Variants in TMEM242 observed in about 807,000 individuals in gnomAD.
TMEM242 encodes the protein UPF0463 transmembrane protein C6orf35.
In TMEM242, 10 loss-of-function variants were observed where a neutral mutation model predicts 18.2. The observed-to-expected ratio is 0.55, with a 90% confidence interval of 0.34 to 0.93. TMEM242 has a LOEUF of 0.93. TMEM242 is among the 40% of genes least tolerant of loss of function. The pLI, the probability that TMEM242 is intolerant of heterozygous loss-of-function variation, is 0.02. For synonymous variants in TMEM242, 57 were observed against 69.9 expected, an observed-to-expected ratio of 0.81 and a Z score of 0.92; for missense variants, 186 against 175.5, an observed-to-expected ratio of 1.06 and a Z score of -0.34.
chr6:157,315,821 C>T (rs1778378317), intron 3 of TMEM242, among the ~76,000 whole-genome samples: 1 of 152,172 alleles, frequency 6.6e-6, no homozygotes, highest in Admixed American at 6.5e-5. Flanking sequence ...AACAAGATAG[C>T]TCCCAATACC....
intron 3 of TMEM242, among the ~76,000 whole-genome samples, chr6:157,307,800 T>C (rs1170456218): frequency 6.6e-6 from 1 of 152,170 alleles, no homozygotes; most frequent in East Asian, 1.9e-4. Context: ...GAACTACCTC[T>C]GCAGGATCGT....
At chr6:157,299,773 A>G in intron 3 of TMEM242, 1 of 1,602,186 alleles carries the variant, frequency 6.2e-7, no homozygotes, top group Non-Finnish European at 8.6e-7. Context: ...AATCTTTGCT[A>G]CAAACAATAT....
chr6:157,310,334 T>C (rs587666962), intron 3 of TMEM242, among the ~76,000 whole-genome samples: 1 of 8,968 alleles, frequency 1.1e-4, no homozygotes, highest in African/African-American at 3.8e-4. Flanking sequence ...ACTTAAACTA[T>C]CTGTCTTGAT....
intron 3 of TMEM242, chr6:157,299,427 C>G: frequency 7.6e-7 from 1 of 1,316,538 alleles, no homozygotes; most frequent in Non-Finnish European, 1.1e-6. Context: ...ACACTTGAGT[C>G]TCCATGCTCT....
rs372879085 is a variant in TMEM242 at position 157,298,552 on chromosome 6, C to T, written c.328-5553G>A. Among the ~76,000 whole-genome samples the T allele has an allele frequency of 9.2e-5, 14 of 152,264 alleles. No homozygotes were observed. The South Asian group carries it at 1.9e-3, about 20-fold the overall frequency. On this transcript the variant is annotated intron_variant, in intron 3 of 3. Transcript: ENST00000400788. The stretch of plus-strand genomic sequence containing the variant: ...CAGTCCCCACTTCATGTCTTTTTAA[C>T]GACCCAGCTGAAAGGCCGTCCCAGA...
chr6:157,295,601 A>G (rs1777739670), intron 3 of TMEM242, among the ~76,000 whole-genome samples: 1 of 152,150 alleles, frequency 6.6e-6, no homozygotes, highest in African/African-American at 2.4e-5. Context: ...GGAGGAGAGC[A>G]AGGGGCGGTC....
At chr6:157,321,380 CTATTT>C (rs1236680234) in intron 2 of TMEM242, among the ~76,000 whole-genome samples, 1 of 152,162 alleles carries the variant, frequency 6.6e-6, no homozygotes, top group Non-Finnish European at 1.5e-5. Context: ...ATAAAATTAA[CTATTT>C]TATTTCTTCA....
At chr6:157,300,028 C>T (rs1777806038) in intron 3 of TMEM242, 1 of 988,316 alleles carries the variant, frequency 1.0e-6, no homozygotes, top group East Asian at 2.4e-5. Flanking sequence ...CGCCCTTGAG[C>T]GGCATGCGCG....
rs181406916 is a variant in TMEM242, at chr6:157,292,949, C to T, written c.378G>A (p.Lys126=). 6.2e-7 allele frequency: 1 copy of T among 1,613,720 alleles called. No homozygotes were observed. Among genetic ancestry groups the T allele is most frequent in the East Asian group, 2.2e-5 (1 of 44,878 alleles). ...CCCACTCAACAGCCGATTCGGAGTT[C>T]TTGGGAATTGTTGGAAATATTGATT... ...KMQSIFPTIP[K]NSESAVEWEE... is the part of the protein sequence containing the mutation. Residue 126 remains lysine (K), a synonymous_variant, in exon 4 of 4, where the codon AAG becomes AAA. Coordinates refer to ENST00000400788, the MANE Select transcript of TMEM242 (RefSeq NM_018452.6).
chr6:157,300,860 A>T (rs1436191829), intron 3 of TMEM242, among the ~76,000 whole-genome samples: 1 of 152,254 alleles, frequency 6.6e-6, no homozygotes, highest in Admixed American at 6.5e-5. Context: ...CTCAATTAAA[A>T]TGAGGATATC....
intron 2 of TMEM242, among the ~76,000 whole-genome samples, chr6:157,319,350 T>C (rs1394581743): frequency 2.0e-5 from 3 of 152,222 alleles, no homozygotes; most frequent in African/African-American, 7.2e-5. Context: ...TTTAACCAAA[T>C]AGACATATAA....
At chr6:157,306,808 C>G (rs587734740) in intron 3 of TMEM242, among the ~76,000 whole-genome samples, 1 of 152,224 alleles carries the variant, frequency 6.6e-6, no homozygotes, top group East Asian at 1.9e-4. Context: ...CTATAAAAGC[C>G]TAGAATCTGT....
chr6:157,311,664 C>CTAGCCT (rs1778112170), intron 3 of TMEM242, among the ~76,000 whole-genome samples: 1 of 99,922 alleles, frequency 1.0e-5, no homozygotes, highest in Non-Finnish European at 2.1e-5. Context: ...GTGCACTCAC[C>CTAGCCT]CGGCCTCATC....
chr6:157,302,761 T>C (rs1472914720), intron 3 of TMEM242, among the ~76,000 whole-genome samples: 1 of 152,210 alleles, frequency 6.6e-6, no homozygotes, highest in Non-Finnish European at 1.5e-5. Context: ...TCCTTCTGAA[T>C]TGAAAACCTG....
At chr6:157,306,294 G>A (rs1275870303) in intron 3 of TMEM242, among the ~76,000 whole-genome samples, 1 of 152,252 alleles carries the variant, frequency 6.6e-6, no homozygotes, top group Non-Finnish European at 1.5e-5. Flanking sequence ...CAAGGCGGGA[G>A]GCAGGGAGAA....
chr6:157,313,815 G>A (rs1554249961), intron 3 of TMEM242, among the ~76,000 whole-genome samples: 4 of 140,010 alleles, frequency 2.9e-5, no homozygotes, highest in Non-Finnish European at 4.8e-5. Context: ...TCATCAGAGC[G>A]CCCCAGTGTG....
chr6:157,302,726 C>T (rs1399316551), intron 3 of TMEM242, among the ~76,000 whole-genome samples: 3 of 152,210 alleles, frequency 2.0e-5, no homozygotes, highest in African/African-American at 7.2e-5. Flanking sequence ...TCCCTAGTGA[C>T]TTCCTATCCT....
chr6:157,310,846 G>T (rs1554248475), intron 3 of TMEM242, among the ~76,000 whole-genome samples: 1 of 139,820 alleles, frequency 7.2e-6, no homozygotes. Flanking sequence ...TAGTGTCCCA[G>T]TGTGCACTCA....
intron 3 of TMEM242, among the ~76,000 whole-genome samples, chr6:157,314,461 T>C (rs1778347601): frequency 7.0e-6 from 1 of 143,504 alleles, no homozygotes; most frequent in Admixed American, 7.2e-5. Flanking sequence ...TGTGATAAAA[T>C]TGGTGCTATC....
Sources: gnomAD v4.1 joint callset for allele counts (sites outside exome capture counted in the v4.1 genomes callset) on GRCh38, gnomAD v4.1.1 for gene constraint, MANE v1.5 for transcripts, NCBI Gene and HGNC (gene_info 2026-07-23, HGNC 2026-07-21) for gene names.